The following KAT6B variants were observed in gnomAD, a reference collection of about 807,000 sequenced individuals.
KAT6B encodes the protein lysine acetyltransferase 6B.
KAT6B carries 10 observed loss-of-function variants against 187.5 expected under a neutral mutation model. The ratio of observed to expected loss-of-function variants is 0.05; its 90% CI spans 0.03 to 0.09. The LOEUF (loss-of-function observed/expected upper bound fraction) is 0.09, where lower values mean the gene tolerates loss of function less well. Ranked by LOEUF, KAT6B falls within the 10% of genes least tolerant of loss-of-function variation. The pLI is 1.00. For missense variants in KAT6B, 1,952 were observed against 2,558.9 expected (o/e 0.76, Z 5.12); for synonymous variants, 861 against 926.8 (o/e 0.93, Z 1.29).
chr10:74,960,158 T>G (rs1032791846), intron 4 of KAT6B, 80 bp downstream of exon 4: 90 of 960,196 alleles, frequency 9.4e-5, no homozygotes, highest in Non-Finnish European at 1.2e-4. Flanking sequence ...CTATTAAAAC[T>G]GTATTGTTAT....
chr10:74,826,884 G>C (rs1413193439), intron 1 of KAT6B, 99 bp downstream of exon 1: 1 of 151,650 alleles, frequency 6.6e-6, no homozygotes, highest in Non-Finnish European at 1.5e-5. Context: ...CCCTCCCACA[G>C]GCCTCTGCGC....
At chr10:74,857,116 G>A (rs915733139) in intron 3 of KAT6B, among the ~76,000 whole-genome samples, 3 of 152,194 alleles carry the variant, frequency 2.0e-5, no homozygotes, top group African/African-American at 7.2e-5. Flanking sequence ...TTGAAAGCAT[G>A]TGAGTAACCT....
At chr10:74,848,063 CGT>C (rs1842231900) in intron 3 of KAT6B, among the ~76,000 whole-genome samples, 2 of 151,804 alleles carry the variant, frequency 1.3e-5, no homozygotes, top group Admixed American at 6.6e-5. Context: ...GGATTACAGG[CGT>C]GCGCCACCAT....
chr10:74,993,444 G>GT (rs1252401068), intron 13 of KAT6B, among the ~76,000 whole-genome samples: 17 of 152,164 alleles, frequency 1.1e-4, no homozygotes, highest in African/African-American at 3.6e-4. Context: ...TCATTTGAGA[G>GT]TAAGTTGAAG....
At chr10:74,941,772 T>G (rs1279348285) in intron 3 of KAT6B, among the ~76,000 whole-genome samples, 4 of 152,166 alleles carry the variant, frequency 2.6e-5, no homozygotes, top group Non-Finnish European at 5.9e-5. Flanking sequence ...ACAATACAAA[T>G]GTTAAATTCT....
chr10:75,013,393 ATATCTGGGTGG>A (rs1844751848), intron 13 of KAT6B, among the ~76,000 whole-genome samples: 1 of 148,418 alleles, frequency 6.7e-6, no homozygotes, highest in Non-Finnish European at 1.5e-5. Flanking sequence ...AATTCAATTG[ATATCTGGGTGG>A]TTAGCTGGGG....
intron 3 of KAT6B, among the ~76,000 whole-genome samples, chr10:74,879,674 T>A (rs1034464969): frequency 1.4e-4 from 22 of 152,198 alleles, no homozygotes; most frequent in African/African-American, 5.3e-4. Context: ...AGCTCAGGGT[T>A]CTTAGTCCCC....
intron 1 of KAT6B, among the ~76,000 whole-genome samples, chr10:74,834,638 C>T (rs1272950679): frequency 2.6e-5 from 4 of 152,190 alleles, no homozygotes; most frequent in South Asian, 2.1e-4. Context: ...CCTCTTGCCT[C>T]GGTCTCCCGA....
intron 11 of KAT6B, chr10:74,983,998 C>T (rs1362663958): frequency 6.6e-6 from 1 of 152,172 alleles, no homozygotes; most frequent in African/African-American, 2.4e-5. Context: ...GCACTGTCAT[C>T]TCTGTATTTT....
At chr10:74,892,626 G>C (rs1048523330) in intron 3 of KAT6B, among the ~76,000 whole-genome samples, 2 of 152,126 alleles carry the variant, frequency 1.3e-5, no homozygotes, top group Admixed American at 6.5e-5. Flanking sequence ...GGGAGCTCTT[G>C]CCTGGGGGAG....
chr10:74,965,594 C>T (rs2133590316), intron 4 of KAT6B, among the ~76,000 whole-genome samples: 1 of 152,280 alleles, frequency 6.6e-6, no homozygotes, highest in South Asian at 2.1e-4. Flanking sequence ...TTACTACAGA[C>T]TTAGTGGCTT....
At chr10:75,002,561 A>G (rs986770490) in intron 13 of KAT6B, among the ~76,000 whole-genome samples, 2 of 151,902 alleles carry the variant, frequency 1.3e-5, no homozygotes, top group Non-Finnish European at 2.9e-5. Context: ...ACCTAAGTCG[A>G]AGTCTATAGG....
chr10:74,920,938 G>A (rs1028765052), intron 3 of KAT6B, among the ~76,000 whole-genome samples: 2 of 152,014 alleles, frequency 1.3e-5, no homozygotes, highest in East Asian at 3.9e-4. Flanking sequence ...ATATTAATTT[G>A]TGTGTACTCT....
At chr10:74,856,133 T>TG (rs1196335636) in intron 3 of KAT6B, among the ~76,000 whole-genome samples, 1 of 152,192 alleles carries the variant, frequency 6.6e-6, no homozygotes, top group African/African-American at 2.4e-5. Flanking sequence ...TTGCCCAGGC[T>TG]GGGGTGCAGT....
At chr10:74,879,633 T>C (rs1844705589) in intron 3 of KAT6B, among the ~76,000 whole-genome samples, 1 of 152,216 alleles carries the variant, frequency 6.6e-6, no homozygotes, top group South Asian at 2.1e-4. Context: ...GTAGTGCTAA[T>C]GCCATTCTGA....
intron 3 of KAT6B, among the ~76,000 whole-genome samples, chr10:74,959,715 G>A (rs1396018041): frequency 6.6e-6 from 1 of 152,210 alleles, no homozygotes; most frequent in Non-Finnish European, 1.5e-5. Context: ...GCTTGAACCC[G>A]GGAGGTGGAG....
intron 8 of KAT6B, 70 bp downstream of exon 8, chr10:74,976,400 A>G: frequency 7.8e-7 from 1 of 1,277,278 alleles, no homozygotes; most frequent in Non-Finnish European, 1.1e-6. Context: ...GAAAAAAATC[A>G]ACCAATCAAT....
Position 75,032,495 on chromosome 10 carries a change from T to C in KAT6B, c.*1449T>C, listed in dbSNP as rs1245257013. On this transcript the variant is annotated 3_prime_UTR_variant, in exon 18 of 18. Transcript: ENST00000287239. ...TAATATCTAATAAAACCATCACATA[T>C]ACCAAATACCTATTTAATAAATTAA... 5.4e-6 allele frequency: 1 copy of C among 183,672 alleles called. No homozygotes were observed. Among genetic ancestry groups the C allele is most frequent in the East Asian group, 8.9e-5 (1 of 11,290 alleles). The allele number at this position is 183,672 out of a possible 1,614,324, so 11.4% of individuals were successfully genotyped here.
chr10:74,835,112 T>C (rs1318599234), intron 1 of KAT6B, among the ~76,000 whole-genome samples: 1 of 152,178 alleles, frequency 6.6e-6, no homozygotes, highest in Non-Finnish European at 1.5e-5. Context: ...AGCATAATAC[T>C]AAGTGGGAAA....
Sources: gnomAD v4.1 joint callset for allele counts (sites outside exome capture counted in the v4.1 genomes callset) on GRCh38, gnomAD v4.1.1 for gene constraint, MANE v1.5 for transcripts, NCBI Gene and HGNC (gene_info 2026-07-23, HGNC 2026-07-21) for gene names.